The following UBE2E2 variants were observed in gnomAD, a reference collection of about 807,000 sequenced individuals.
The protein encoded by UBE2E2 is ubiquitin-conjugating enzyme E2 E2.
Under a neutral mutation model 24.7 loss-of-function variants are expected in UBE2E2, and 6 were observed. The ratio of observed to expected loss-of-function variants is 0.24; its 90% CI spans 0.13 to 0.48. UBE2E2 has a LOEUF of 0.48. Among genes scored for constraint, UBE2E2 ranks in the 20% least tolerant of loss-of-function variants. UBE2E2 has a pLI of 0.99. For synonymous variants in UBE2E2, 104 were observed against 83.6 expected (o/e 1.24, Z -1.33); for missense variants, 169 against 245.0 (o/e 0.69, Z 2.07).
chr3:23,230,252 G>A (rs918610087), intron 3 of UBE2E2, among the ~76,000 whole-genome samples: 1 of 152,140 alleles, frequency 6.6e-6, no homozygotes, highest in Admixed American at 6.5e-5. Flanking sequence ...TACAGACTGT[G>A]AGGCTACTGA....
At chr3:23,527,294 C>G (rs1223555528) in intron 4 of UBE2E2, among the ~76,000 whole-genome samples, 6 of 152,154 alleles carry the variant, frequency 3.9e-5, no homozygotes, top group Non-Finnish European at 8.8e-5. Context: ...TATGACCCAC[C>G]AATTACACTC....
intron 3 of UBE2E2, among the ~76,000 whole-genome samples, chr3:23,408,055 T>C (rs971444614): frequency 6.6e-6 from 1 of 152,146 alleles, no homozygotes; most frequent in East Asian, 1.9e-4. Context: ...ATGAAGAATT[T>C]ATTAAAAAAT....
intron 3 of UBE2E2, among the ~76,000 whole-genome samples, chr3:23,295,063 T>C (rs1286917378): frequency 2.6e-5 from 4 of 152,194 alleles, no homozygotes; most frequent in Non-Finnish European, 5.9e-5. Context: ...TATTTACATT[T>C]AGTGTTCATC....
intron 3 of UBE2E2, among the ~76,000 whole-genome samples, chr3:23,495,170 T>C (rs1238272939): frequency 6.6e-6 from 1 of 152,220 alleles, no homozygotes; most frequent in Admixed American, 6.5e-5. Flanking sequence ...AGTGATAATA[T>C]TAGCTGTGTT....
In UBE2E2 at chr3:23,563,787, C is replaced by G. The variant is rs188363672; in HGVS notation, c.509-25947C>G. On this transcript the variant is annotated intron_variant, in intron 5 of 5. Transcript: ENST00000396703. ...AATAAAATTAAAAGGATCATTTATT[C>G]TATTAATATTATTTGCCCCAAGTAG... Among the ~76,000 whole-genome samples the G allele has an allele frequency of 5.3e-3, 812 of 152,128 alleles. 7 individuals carry two copies. Among genetic ancestry groups the G allele is most frequent in the African/African-American group, 0.018 (756 of 41,512 alleles).
At chr3:23,364,379 C>T (rs201560329) in intron 3 of UBE2E2, among the ~76,000 whole-genome samples, 1 of 151,644 alleles carries the variant, frequency 6.6e-6, no homozygotes, top group African/African-American at 2.4e-5. Context: ...ATGCCACTAG[C>T]GAGACTAATA....
intron 3 of UBE2E2, among the ~76,000 whole-genome samples, chr3:23,228,683 C>G (rs1314474190): frequency 6.6e-6 from 1 of 152,012 alleles, no homozygotes; most frequent in African/African-American, 2.4e-5. Context: ...AATAAATGTT[C>G]ATTTAGAACT....
At chr3:23,577,165 T>G (rs1408372280) in intron 5 of UBE2E2, among the ~76,000 whole-genome samples, 3 of 152,102 alleles carry the variant, frequency 2.0e-5, no homozygotes, top group Non-Finnish European at 4.4e-5. Flanking sequence ...TCTCTCACTT[T>G]AAATTGAAAG....
intron 3 of UBE2E2, among the ~76,000 whole-genome samples, chr3:23,444,005 G>T (rs551145170): frequency 6.6e-6 from 1 of 151,540 alleles, no homozygotes; most frequent in Non-Finnish European, 1.5e-5. Flanking sequence ...GCAGCTGACC[G>T]TGAGGCAGTA....
chr3:23,363,298 CA>C (rs1401313478), intron 3 of UBE2E2, among the ~76,000 whole-genome samples: 3 of 152,132 alleles, frequency 2.0e-5, no homozygotes, highest in African/African-American at 7.2e-5. Flanking sequence ...CTGCATATAC[CA>C]ATATTAACCT....
chr3:23,471,941 TA>T (rs5847234), intron 3 of UBE2E2, among the ~76,000 whole-genome samples: 91 of 141,890 alleles, frequency 6.4e-4, no homozygotes, highest in Non-Finnish European at 5.7e-4. Flanking sequence ...AAAACATCTT[TA>T]AAAAAAAAAA....
At chr3:23,215,115 T>G (rs186822356) in intron 2 of UBE2E2, among the ~76,000 whole-genome samples, 1 of 152,260 alleles carries the variant, frequency 6.6e-6, no homozygotes, top group East Asian at 1.9e-4. Flanking sequence ...CTTCTGTTTC[T>G]TATTCCTATG....
chr3:23,501,137 C>G (rs550980078), intron 4 of UBE2E2, among the ~76,000 whole-genome samples: 1 of 152,266 alleles, frequency 6.6e-6, no homozygotes, highest in African/African-American at 2.4e-5. Flanking sequence ...ACCTTTCTTT[C>G]TCAGCCTCTA....
intron 3 of UBE2E2, among the ~76,000 whole-genome samples, chr3:23,408,436 C>G (rs2359763): frequency 0.66 from 100,359 of 152,024 alleles, 34,799 homozygotes; most frequent in African/African-American, 0.88. Context: ...TAAAATACAT[C>G]CTGCAACTTT....
chr3:23,422,922 C>T (rs1013637543), intron 3 of UBE2E2, among the ~76,000 whole-genome samples: 6 of 152,198 alleles, frequency 3.9e-5, no homozygotes, highest in Non-Finnish European at 8.8e-5. Context: ...CCCTGTTCAG[C>T]TCTTCTCCAT....
At chr3:23,394,498 T>C (rs928579484) in intron 3 of UBE2E2, among the ~76,000 whole-genome samples, 1 of 152,172 alleles carries the variant, frequency 6.6e-6, no homozygotes, top group Non-Finnish European at 1.5e-5. Context: ...GAGCTTGTTA[T>C]AGACCGTGCT....
At chr3:23,576,296 G>A (rs1696345373) in intron 5 of UBE2E2, among the ~76,000 whole-genome samples, 1 of 152,096 alleles carries the variant, frequency 6.6e-6, no homozygotes, top group Non-Finnish European at 1.5e-5. Context: ...GACTTGGGGA[G>A]CGAAAAGAAT....
chr3:23,389,060 A>G (rs1340994086), intron 3 of UBE2E2, among the ~76,000 whole-genome samples: 1 of 152,180 alleles, frequency 6.6e-6, no homozygotes, highest in African/African-American at 2.4e-5. Context: ...AAAAGAAGCA[A>G]TACACAAGAG....
intron 3 of UBE2E2, among the ~76,000 whole-genome samples, chr3:23,483,687 C>T (rs1435593294): frequency 6.6e-6 from 1 of 152,206 alleles, no homozygotes; most frequent in Non-Finnish European, 1.5e-5. Flanking sequence ...AGTGCTGCTT[C>T]TTACTGGACC....
Sources: gnomAD v4.1 joint callset for allele counts (sites outside exome capture counted in the v4.1 genomes callset) on GRCh38, gnomAD v4.1.1 for gene constraint, MANE v1.5 for transcripts, NCBI Gene and HGNC (gene_info 2026-07-23, HGNC 2026-07-21) for gene names.